The following FANCA variants were observed in gnomAD, a reference collection of about 807,000 sequenced individuals.
The protein encoded by FANCA is Fanconi anemia group A protein.
FANCA carries 236 observed loss-of-function variants against 194.3 expected under a neutral mutation model. That is an observed-to-expected ratio of 1.21 (90% CI 1.09 to 1.35). The LOEUF is 1.35. Ranked by LOEUF, FANCA falls within the 40% of genes most tolerant of loss-of-function variation. The pLI is 0.00. For missense variants in FANCA, 2,628 were observed against 1,813.9 expected (o/e 1.45, Z -8.15); for synonymous variants, 1,014 against 715.8 (o/e 1.42, Z -6.65).
intron 30 of FANCA, among the ~76,000 whole-genome samples, chr16:89,757,550 A>T (rs1254102094): frequency 1.3e-5 from 2 of 152,216 alleles, no homozygotes; most frequent in Non-Finnish European, 2.9e-5. Flanking sequence ...CAAATCCATG[A>T]ACATAAAATG....
At position 89,773,386 on chromosome 16, in the gene FANCA, T is replaced by C. The variant is rs1555549535; in HGVS notation, c.1901-2A>G. Reference sequence around the variant, plus strand: ...CTGCCCTCACTCCCAGGGCTGCATCTGTGAGAAGAAGGAAGAAACCAGATG... The same window carrying C: ...CTGCCCTCACTCCCAGGGCTGCATCCGTGAGAAGAAGGAAGAAACCAGATG... On this transcript the variant is annotated splice_acceptor_variant, in intron 21 of 42. Coordinates refer to ENST00000389301, the MANE Select transcript of FANCA (RefSeq NM_000135.4). LOFTEE classifies it high-confidence loss of function. The C allele has an allele frequency of 6.5e-7, 1 of 1,548,682 alleles. No homozygotes were observed. The highest frequency in any genetic ancestry group is 1.7e-4 in the Middle Eastern group (1 of 5,988).
chr16:89,769,013 C>T (rs1224222142), intron 26 of FANCA, among the ~76,000 whole-genome samples: 1 of 152,198 alleles, frequency 6.6e-6, no homozygotes, highest in African/African-American at 2.4e-5. Context: ...GTGCCTGCTC[C>T]CCGAGGCCCA....
At chr16:89,812,733 C>T (rs1042433076) in intron 3 of FANCA, among the ~76,000 whole-genome samples, 6 of 147,732 alleles carry the variant, frequency 4.1e-5, no homozygotes, top group African/African-American at 1.5e-4. Context: ...ATTATCAATA[C>T]ATAAGTAAAA....
At chr16:89,783,953 G>T (rs1295108747) in intron 15 of FANCA, among the ~76,000 whole-genome samples, 1 of 152,058 alleles carries the variant, frequency 6.6e-6, no homozygotes, top group Non-Finnish European at 1.5e-5. Context: ...TAGACAGGGG[G>T]TTTCTCCACA....
At chr16:89,804,029 T>TA (rs2040549050) in intron 7 of FANCA, among the ~76,000 whole-genome samples, 1 of 152,150 alleles carries the variant, frequency 6.6e-6, no homozygotes, top group African/African-American at 2.4e-5. Flanking sequence ...CATCCTATTC[T>TA]GAGGAATGTG....
At chr16:89,814,239 G>A (rs1352152294) in intron 3 of FANCA, among the ~76,000 whole-genome samples, 3 of 152,128 alleles carry the variant, frequency 2.0e-5, no homozygotes, top group Non-Finnish European at 2.9e-5. Context: ...CATGAGCAAG[G>A]GGCACATCCC....
intron 11 of FANCA, among the ~76,000 whole-genome samples, chr16:89,794,794 A>T (rs2040188116): frequency 6.6e-6 from 1 of 152,214 alleles, no homozygotes; most frequent in South Asian, 2.1e-4. Flanking sequence ...TCTTGGGTAC[A>T]GTCTGTCATA....
At chr16:89,746,219 T>C (rs937795414) in intron 35 of FANCA, among the ~76,000 whole-genome samples, 2 of 152,118 alleles carry the variant, frequency 1.3e-5, no homozygotes, top group Admixed American at 6.5e-5. Flanking sequence ...CATGCTCTCG[T>C]GACGGGGCAC....
At chr16:89,746,089 T>C (rs2038378598) in intron 35 of FANCA, among the ~76,000 whole-genome samples, 1 of 151,946 alleles carries the variant, frequency 6.6e-6, no homozygotes, top group Non-Finnish European at 1.5e-5. Flanking sequence ...AATGCTGCCC[T>C]CCTCCCACTC....
intron 10 of FANCA, 84 bp downstream of exon 10, chr16:89,799,081 TG>T: frequency 6.2e-7 from 1 of 1,614,206 alleles, no homozygotes; most frequent in Non-Finnish European, 8.5e-7. Context: ...GCTGAAGCTC[TG>T]GAAGTGTTTA....
At chr16:89,761,157 C>T (rs1358938005) in intron 29 of FANCA, among the ~76,000 whole-genome samples, 4 of 152,168 alleles carry the variant, frequency 2.6e-5, no homozygotes, top group East Asian at 1.9e-4. Context: ...CGGTGGCTCA[C>T]GCCTGTAATG....
Position 89,791,998 on chromosome 16 carries a change from T to C in FANCA, c.1154A>G (p.His385Arg), listed in dbSNP as rs143262599. The change falls in exon 13 of 43, where the codon CAC (histidine) becomes CGC (arginine). Residue 385 changes from histidine (H) to arginine (R), a missense_variant. By Grantham distance (29) the His-to-Arg change is conservative (BLOSUM62 0). Transcript: ENST00000389301. The part of the protein sequence containing the change: ...LQEVLETQEV[H>R]WQRVLSFVSA... ...CACAAAGGAGAGCACTCTCTGCCAG[T>C]GAACCTCCTGCGTTTCCAGAACTTC... 10 of 1,614,080 alleles carry C rather than the reference T, an allele frequency of 6.2e-6. No homozygotes were observed. In the African/African-American group the frequency reaches 1.1e-4, roughly 17 times the overall value.
At chr16:89,746,128 G>GC (rs1423496240) in intron 35 of FANCA, among the ~76,000 whole-genome samples, 7 of 152,230 alleles carry the variant, frequency 4.6e-5, no homozygotes, top group African/African-American at 1.7e-4. Context: ...AGGGGAGCCT[G>GC]CTGAGCTCTG....
intron 11 of FANCA, among the ~76,000 whole-genome samples, chr16:89,793,015 G>A (rs1224418180): frequency 2.0e-5 from 3 of 152,186 alleles, no homozygotes; most frequent in African/African-American, 7.2e-5. Context: ...TGTACAGGAT[G>A]GAACATGAAG....
In FANCA at chr16:89,771,794, C is replaced by A. The variant is rs759442252; in HGVS notation, c.2035G>T (p.Val679Leu). 1 of 1,614,054 alleles carries A rather than the reference C, an allele frequency of 6.2e-7. No homozygotes were observed. The highest frequency in any genetic ancestry group is 2.2e-5 in the East Asian group (1 of 44,888). Residue 679 changes from valine to leucine, a missense_variant, in exon 23 of 43, where the codon GTG (valine) becomes TTG (leucine). Coordinates refer to ENST00000389301, the MANE Select transcript of FANCA (RefSeq NM_000135.4). ...QRDVISAQVA[V>L]ISERLRAVLG... is the part of the protein sequence containing the mutation. ...ACAGCCCTCAGTCTTTCAGAAATCA[C>A]TGCCACCTGTGCCGATATAACTGCG... is the stretch of plus-strand genomic sequence containing the variant.
At chr16:89,795,333 A>T (rs772706827) in intron 11 of FANCA, among the ~76,000 whole-genome samples, 3 of 151,294 alleles carry the variant, frequency 2.0e-5, no homozygotes, top group Non-Finnish European at 2.9e-5. Flanking sequence ...TAAAATAAAG[A>T]TATTTCTATT....
intron 14 of FANCA, among the ~76,000 whole-genome samples, chr16:89,789,909 G>A (rs2040012307): frequency 6.6e-6 from 1 of 152,284 alleles, no homozygotes; most frequent in South Asian, 2.1e-4. Flanking sequence ...GGTCTCAGGA[G>A]CTCAGACTCA....
rs539246089 is a variant in FANCA at position 89,808,141 on chromosome 16, C to A, written c.596+153G>T. On this transcript the variant is annotated intron_variant, in intron 6 of 42. Coordinates refer to ENST00000389301, the MANE Select transcript of FANCA (RefSeq NM_000135.4). ...TAATAAAGCAATAGTTCCTCCAGGT[C>A]TAGTCTAGTATAAATATGCAATGCA... 2.0e-5 allele frequency among the ~76,000 whole-genome samples: 3 copies of A among 152,258 alleles called. No individual in the cohort carries two copies. The East Asian group carries it at 5.8e-4, about 29-fold the overall frequency.
Position 89,737,962 on chromosome 16 carries a change from C to T in FANCA, c.*639G>A, listed in dbSNP as rs754393489. The T allele has an allele frequency of 1.2e-6, 2 of 1,614,008 alleles. No individual in the cohort carries two copies. Among genetic ancestry groups the T allele is most frequent in the African/African-American group, 2.7e-5 (2 of 74,930 alleles). Reference sequence around the variant, plus strand: ...TGTGGCCCTCGCACCTTCTTATCTGCCTCTGTCCCCCAGGTGTGAGGTCTG... The same window carrying T: ...TGTGGCCCTCGCACCTTCTTATCTGTCTCTGTCCCCCAGGTGTGAGGTCTG... On this transcript the variant is annotated 3_prime_UTR_variant, in exon 43 of 43. Coordinates refer to ENST00000389301, the MANE Select transcript of FANCA (RefSeq NM_000135.4).
Sources: gnomAD v4.1 joint callset for allele counts (sites outside exome capture counted in the v4.1 genomes callset) on GRCh38, gnomAD v4.1.1 for gene constraint, MANE v1.5 for transcripts, NCBI Gene and HGNC (gene_info 2026-07-23, HGNC 2026-07-21) for gene names.